PCCA: variants seen among roughly 807,000 people sequenced by gnomAD.
PCCA encodes propionyl-CoA carboxylase alpha chain, mitochondrial.
In PCCA, 74 loss-of-function variants were observed where a neutral mutation model predicts 101.3. The observed-to-expected ratio is 0.73, with a 90% confidence interval of 0.61 to 0.89. The LOEUF (loss-of-function observed/expected upper bound fraction) is 0.89. PCCA is among the 40% of genes least tolerant of loss of function. The pLI, the probability that PCCA is intolerant of heterozygous loss-of-function variation, is 0.00. For synonymous variants in PCCA, 294 were observed against 313.6 expected, an observed-to-expected ratio of 0.94 and a Z score of 0.66; for missense variants, 891 against 907.0, an observed-to-expected ratio of 0.98 and a Z score of 0.23.
chr13:100,299,720 C>CTT (rs899935611), intron 12 of PCCA, among the ~76,000 whole-genome samples: 6 of 150,306 alleles, frequency 4.0e-5, no homozygotes, highest in African/African-American at 1.5e-4. Context: ...AGGTTCACCT[C>CTT]TTTTTTTTTT....
chr13:100,402,004 G>T (rs954822642), intron 19 of PCCA, among the ~76,000 whole-genome samples: 1 of 152,042 alleles, frequency 6.6e-6, no homozygotes, highest in African/African-American at 2.4e-5. Flanking sequence ...AGTATGCTGG[G>T]GTGTATACGT....
At chr13:100,100,557 A>G (rs2152241795) in intron 1 of PCCA, among the ~76,000 whole-genome samples, 1 of 152,346 alleles carries the variant, frequency 6.6e-6, no homozygotes, top group Admixed American at 6.5e-5. Context: ...AGACTTCTTC[A>G]AACGTTTTCC....
intron 4 of PCCA, among the ~76,000 whole-genome samples, chr13:100,127,110 A>T (rs2050028998): frequency 6.6e-6 from 1 of 152,224 alleles, no homozygotes; most frequent in African/African-American, 2.4e-5. Context: ...TCCAGTCAAG[A>T]TGGACTATGA....
intron 21 of PCCA, among the ~76,000 whole-genome samples, chr13:100,461,323 T>C (rs1307579797): frequency 2.6e-5 from 4 of 152,248 alleles, no homozygotes; most frequent in Non-Finnish European, 4.4e-5. Flanking sequence ...TTTATAGATA[T>C]GTAAACATCA....
At chr13:100,343,494 G>T (rs2071706557) in intron 18 of PCCA, among the ~76,000 whole-genome samples, 1 of 152,204 alleles carries the variant, frequency 6.6e-6, no homozygotes, top group East Asian at 1.9e-4. Flanking sequence ...GAAATAACAT[G>T]TGAAGAGACA....
intron 5 of PCCA, among the ~76,000 whole-genome samples, chr13:100,155,825 A>C (rs1162549563): frequency 6.6e-6 from 1 of 152,238 alleles, no homozygotes; most frequent in South Asian, 2.1e-4. Context: ...TTTTGAAAGA[A>C]ATGTTTTAGT....
chr13:100,267,810 A>G (rs1054883508), intron 10 of PCCA, among the ~76,000 whole-genome samples: 2 of 152,192 alleles, frequency 1.3e-5, no homozygotes, highest in Admixed American at 1.3e-4. Flanking sequence ...TTTTAAAATC[A>G]CTGTTCCATG....
chr13:100,115,779 G>C (rs2048740407), intron 4 of PCCA, among the ~76,000 whole-genome samples: 2 of 152,162 alleles, frequency 1.3e-5, no homozygotes, highest in South Asian at 4.1e-4. Context: ...AGATGTGGTA[G>C]TTTTACATTT....
chr13:100,257,382 C>T (rs1471162347), intron 8 of PCCA, among the ~76,000 whole-genome samples: 1 of 151,976 alleles, frequency 6.6e-6, no homozygotes, highest in East Asian at 1.9e-4. Flanking sequence ...TACAAGTACC[C>T]TTTTTTCTTT....
At chr13:100,353,282 A>C (rs944026633) in intron 18 of PCCA, among the ~76,000 whole-genome samples, 1 of 152,204 alleles carries the variant, frequency 6.6e-6, no homozygotes, top group Non-Finnish European at 1.5e-5. Context: ...TCTAACAGAC[A>C]TCTCTAGAAT....
At chr13:100,249,711 T>C (rs540914293) in intron 8 of PCCA, among the ~76,000 whole-genome samples, 8 of 152,334 alleles carry the variant, frequency 5.3e-5, no homozygotes, top group African/African-American at 1.7e-4. Context: ...TCCATGTACA[T>C]TGATTATCTC....
At position 100,232,388 on chromosome 13, in the gene PCCA, GTGT is replaced by G. The variant is rs1566760216; in HGVS notation, c.601-3453_601-3451del. ...TGTGTGTGTGTGTGTGTGTGTGTGT[GTGT>G]GGTTTTAGAGACGGAGTCTCACTTT... On this transcript the variant is annotated intron_variant, in intron 7 of 23. Transcript: ENST00000376285. Among the ~76,000 whole-genome samples the G allele has an allele frequency of 2.4e-3, 363 of 150,796 alleles. 8 individuals carry two copies. In the South Asian group the frequency reaches 0.027, roughly 11 times the overall value.
intron 6 of PCCA, among the ~76,000 whole-genome samples, chr13:100,205,618 G>A (rs910001348): frequency 1.4e-5 from 2 of 144,224 alleles, no homozygotes; most frequent in South Asian, 4.4e-4. Flanking sequence ...GAAAAATCTG[G>A]TTAATCAGTG....
chr13:100,361,161 T>C (rs2074535569), intron 18 of PCCA, among the ~76,000 whole-genome samples: 1 of 151,924 alleles, frequency 6.6e-6, no homozygotes, highest in Non-Finnish European at 1.5e-5. Flanking sequence ...AATAAATAGG[T>C]GGAACAGGGG....
intron 21 of PCCA, among the ~76,000 whole-genome samples, chr13:100,479,396 A>G (rs1046009155): frequency 3.3e-5 from 5 of 152,142 alleles, no homozygotes; most frequent in Non-Finnish European, 7.3e-5. Context: ...TCAGAAATCT[A>G]CGGATACCTT....
In PCCA at chr13:100,268,762, A is replaced by G. The variant is rs1444049793; in HGVS notation, c.893A>G (p.Lys298Arg). Residue 298 changes from lysine (K) to arginine (R), a missense_variant, in exon 11 of 24, where the codon AAG (lysine) becomes AGG (arginine). Transcript: ENST00000376285. ...TGCTCAATTCAGAGAAGAAATCAGA[A>G]GGTGGTGGAGGAAGCACCAAGGTAA... Reference protein sequence around the residue: ...RECSIQRRNQKVVEEAPSIFL... With the variant: ...RECSIQRRNQRVVEEAPSIFL... 33 of 1,613,710 alleles carry G rather than the reference A, an allele frequency of 2.0e-5. No homozygotes were observed. Among genetic ancestry groups the G allele is most frequent in the Non-Finnish European group, 2.6e-5 (31 of 1,179,658 alleles).
intron 21 of PCCA, among the ~76,000 whole-genome samples, chr13:100,451,754 CCCTCTCTGTCCT>C (rs2081268945): frequency 4.1e-5 from 4 of 98,650 alleles, no homozygotes; most frequent in East Asian, 3.6e-4. Context: ...TCCTTCCTCT[CCCTCTCTGTCCT>C]CTTCCTCTCC....
intron 12 of PCCA, 99 bp downstream of exon 12, chr13:100,273,445 A>G (rs1595057041): frequency 3.2e-6 from 3 of 928,366 alleles, no homozygotes; most frequent in South Asian, 1.4e-5. Flanking sequence ...TTAACTCCAT[A>G]AAGTGTTAAA....
At chr13:100,422,753 T>C (rs1408182578) in intron 19 of PCCA, among the ~76,000 whole-genome samples, 1 of 152,138 alleles carries the variant, frequency 6.6e-6, no homozygotes, top group Non-Finnish European at 1.5e-5. Flanking sequence ...TTTATCTCAA[T>C]AATGTTATTT....
Sources: allele counts gnomAD v4.1 joint callset (sites outside exome capture counted in the v4.1 genomes callset), GRCh38; gene constraint gnomAD v4.1.1; transcripts MANE v1.5; gene names NCBI Gene and HGNC (gene_info 2026-07-23, HGNC 2026-07-21).